Variants in NSRP1 observed in about 807,000 individuals in gnomAD.
NSRP1 encodes coiled-coil domain containing 55.
A neutral mutation model predicts 54.7 loss-of-function variants in NSRP1; 24 were observed. That is an observed-to-expected ratio of 0.44 (90% CI 0.32 to 0.62). The LOEUF (loss-of-function observed/expected upper bound fraction) is 0.62. NSRP1 is among the 20% of genes least tolerant of loss of function. The pLI, the probability that NSRP1 is intolerant of heterozygous loss-of-function variation, is 0.06. For synonymous variants in NSRP1, 210 were observed against 213.8 expected (o/e 0.98, Z 0.15); for missense variants, 596 against 651.2 (o/e 0.92, Z 0.92).
At chr17:30,120,061 A>G (rs1016409511) in intron 2 of NSRP1, among the ~76,000 whole-genome samples, 1 of 152,020 alleles carries the variant, frequency 6.6e-6, no homozygotes, top group Non-Finnish European at 1.5e-5. Context: ...CTACCTCCCC[A>G]CTTGCTACCC....
At chr17:30,176,386 A>G (rs1240502763) in intron 3 of NSRP1, among the ~76,000 whole-genome samples, 1 of 152,060 alleles carries the variant, frequency 6.6e-6, no homozygotes, top group Non-Finnish European at 1.5e-5. Context: ...CAAGGTGGGT[A>G]GATCACGAGG....
At chr17:30,154,540 C>G (rs554327840) in intron 2 of NSRP1, 1 of 152,022 alleles carries the variant, frequency 6.6e-6, no homozygotes, top group South Asian at 2.1e-4. Flanking sequence ...CAGTGATACC[C>G]TGTCTCTACA....
At chr17:30,163,983 G>A (rs1904636989) in intron 2 of NSRP1, among the ~76,000 whole-genome samples, 1 of 151,994 alleles carries the variant, frequency 6.6e-6, no homozygotes, top group South Asian at 2.1e-4. Context: ...ACCGTACCCG[G>A]CCAATGACCA....
intron 1 of NSRP1, 92 bp downstream of exon 1, chr17:30,116,955 A>C: frequency 6.9e-7 from 1 of 1,446,806 alleles, no homozygotes; most frequent in South Asian, 1.2e-5. Flanking sequence ...GCTGGAAGTG[A>C]AGGGACTGTG....
chr17:30,163,669 A>C (rs543186151), intron 2 of NSRP1, among the ~76,000 whole-genome samples: 2 of 137,618 alleles, frequency 1.5e-5, no homozygotes, highest in South Asian at 4.3e-4. Flanking sequence ...TGGTGCCTAT[A>C]CTTTGACCAC....
intron 2 of NSRP1, among the ~76,000 whole-genome samples, chr17:30,157,688 G>A (rs1904358024): frequency 6.6e-6 from 1 of 151,870 alleles, no homozygotes; most frequent in African/African-American, 2.4e-5. Context: ...CCCAGTCTCT[G>A]TTATCTATTG....
At chr17:30,121,997 A>C (rs1360695871) in intron 2 of NSRP1, among the ~76,000 whole-genome samples, 3 of 151,914 alleles carry the variant, frequency 2.0e-5, no homozygotes, top group African/African-American at 4.8e-5. Context: ...GCAACCACTA[A>C]TTTACTTTCT....
chr17:30,176,611 C>CG lies in NSRP1; in HGVS notation c.172-1460_172-1459insG, dbSNP rs545308746. 8.5e-4 allele frequency among the ~76,000 whole-genome samples: 103 copies of CG among 120,710 alleles called. 2 individuals are homozygous for CG. The South Asian group carries it at 0.03, about 35-fold the overall frequency. 79.2% of individuals were successfully genotyped at this position (120,710 alleles called of 152,430 possible). On this transcript the variant is annotated intron_variant, in intron 3 of 6. Coordinates refer to ENST00000247026, the MANE Select transcript of NSRP1 (RefSeq NM_032141.4). ...GACAACAGTGCAAGACTTCGTCCCCCCCCCCCCAAAAAAAAAACAGCCCTC... is the reference window on the plus strand; with the variant it reads ...GACAACAGTGCAAGACTTCGTCCCCCGCCCCCCCAAAAAAAAAACAGCCCTC...
At chr17:30,131,918 T>C (rs2071703360) in intron 2 of NSRP1, among the ~76,000 whole-genome samples, 1 of 152,158 alleles carries the variant, frequency 6.6e-6, no homozygotes, top group African/African-American at 2.4e-5. Flanking sequence ...ATTTCAACAA[T>C]GCTCACGTCG....
At chr17:30,180,357 T>C (rs988809647) in intron 5 of NSRP1, among the ~76,000 whole-genome samples, 1 of 152,088 alleles carries the variant, frequency 6.6e-6, no homozygotes, top group African/African-American at 2.4e-5. Context: ...AGTTTTACCA[T>C]GTTGGCCAGG....
At chr17:30,146,645 T>A (rs1268608242) in intron 2 of NSRP1, among the ~76,000 whole-genome samples, 1 of 152,232 alleles carries the variant, frequency 6.6e-6, no homozygotes, top group Non-Finnish European at 1.5e-5. Flanking sequence ...TTTTCAGGAA[T>A]ATATATATTT....
intron 2 of NSRP1, chr17:30,127,759 A>G (rs1228983516): frequency 2.8e-6 from 1 of 360,066 alleles, no homozygotes; most frequent in Non-Finnish European, 4.9e-6. Context: ...TAACCACTTT[A>G]AAAGAGAGTA....
intron 2 of NSRP1, among the ~76,000 whole-genome samples, chr17:30,138,909 GTTTTTTTT>G (rs964449971): frequency 3.4e-5 from 2 of 58,140 alleles, no homozygotes; most frequent in African/African-American, 6.4e-5. Flanking sequence ...AAGTCTTAGC[GTTTTTTTT>G]TTTTTTTTTT....
chr17:30,178,271 G>A, intron 4 of NSRP1, 72 bp downstream of exon 4: 1 of 1,515,428 alleles, frequency 6.6e-7, no homozygotes, highest in African/African-American at 1.4e-5. Flanking sequence ...ATTTTAACAT[G>A]AGAATGATCT....
intron 2 of NSRP1, among the ~76,000 whole-genome samples, chr17:30,125,528 T>C (rs2071642103): frequency 6.6e-6 from 1 of 152,206 alleles, no homozygotes; most frequent in African/African-American, 2.4e-5. Context: ...AGTCTATCCC[T>C]TTTAATTATA....
intron 2 of NSRP1, among the ~76,000 whole-genome samples, chr17:30,129,682 C>T (rs139809713): frequency 0.016 from 2,384 of 152,222 alleles, 73 homozygotes; most frequent in African/African-American, 0.054. Flanking sequence ...CATTATAGTA[C>T]ATCCAAATCA....
intron 2 of NSRP1, among the ~76,000 whole-genome samples, chr17:30,118,455 AG>A (rs1463414411): frequency 6.6e-6 from 1 of 152,240 alleles, no homozygotes; most frequent in African/African-American, 2.4e-5. Flanking sequence ...CCTAGGTATG[AG>A]TTATTAAGAT....
At chr17:30,148,813 G>C (rs1218548678) in intron 2 of NSRP1, among the ~76,000 whole-genome samples, 2 of 152,176 alleles carry the variant, frequency 1.3e-5, no homozygotes, top group Non-Finnish European at 2.9e-5. Context: ...AATTGTTCAC[G>C]ATAGTGTTTT....
chr17:30,130,262 A>AT (rs377334116), intron 2 of NSRP1, among the ~76,000 whole-genome samples: 2,095 of 151,130 alleles, frequency 0.014, 48 homozygotes, highest in African/African-American at 0.046. Flanking sequence ...TGCCTGCCTA[A>AT]TTTTTTTTTA....
Sources: allele counts gnomAD v4.1 joint callset (sites outside exome capture counted in the v4.1 genomes callset), GRCh38; gene constraint gnomAD v4.1.1; transcripts MANE v1.5; gene names NCBI Gene and HGNC (gene_info 2026-07-23, HGNC 2026-07-21).